SLC12A1: variants seen among roughly 807,000 people sequenced by gnomAD.
SLC12A1 encodes the protein Na-K-2Cl cotransporter.
In SLC12A1, 89 loss-of-function variants were observed where a neutral mutation model predicts 130.4. The ratio of observed to expected loss-of-function variants is 0.68; its 90% CI spans 0.58 to 0.81. The LOEUF (loss-of-function observed/expected upper bound fraction) is 0.81, where lower values mean the gene tolerates loss of function less well. Ranked by LOEUF, SLC12A1 falls within the 40% of genes least tolerant of loss-of-function variation. The pLI is 0.00. For synonymous variants in SLC12A1, 499 were observed against 460.0 expected, an observed-to-expected ratio of 1.08 and a Z score of -1.09; for missense variants, 1,310 against 1,336.4, an observed-to-expected ratio of 0.98 and a Z score of 0.31.
intron 10 of SLC12A1, among the ~76,000 whole-genome samples, chr15:48,244,444 AGTAT>A (rs1207099291): frequency 6.6e-6 from 1 of 152,176 alleles, no homozygotes; most frequent in Admixed American, 6.5e-5. Context: ...ATATATATTG[AGTAT>A]GTGTTATGTA....
At chr15:48,250,363 A>T (rs1372109504) in intron 14 of SLC12A1, among the ~76,000 whole-genome samples, 2 of 152,188 alleles carry the variant, frequency 1.3e-5, no homozygotes, top group African/African-American at 4.8e-5. Flanking sequence ...TGAGGGCCTG[A>T]CAAGATATTA....
At chr15:48,225,833 T>C in intron 4 of SLC12A1, 3 of 904,986 alleles carry the variant, frequency 3.3e-6, no homozygotes, top group Non-Finnish European at 4.0e-6. Flanking sequence ...ATACCTTTAT[T>C]TTTCCTCTTT....
At chr15:48,260,181 C>T (rs970571827) in intron 17 of SLC12A1, among the ~76,000 whole-genome samples, 3 of 152,000 alleles carry the variant, frequency 2.0e-5, no homozygotes, top group Middle Eastern at 3.4e-3. Flanking sequence ...AGGAGAATCG[C>T]TTGAACCTGG....
intron 23 of SLC12A1, among the ~76,000 whole-genome samples, chr15:48,289,011 AAC>A (rs2042089117): frequency 6.6e-6 from 1 of 152,124 alleles, no homozygotes. Context: ...AGGACTTTGC[AAC>A]AGTCTCCAAA....
rs1331617097 is a variant in SLC12A1 at position 48,229,274 on chromosome 15, G to C, written c.810G>C (p.Val270=). The C allele has an allele frequency of 1.9e-6, 3 of 1,604,906 alleles. No homozygotes were observed. Among genetic ancestry groups the C allele is most frequent in the South Asian group, 2.2e-5 (2 of 89,180 alleles). Residue 270 remains valine, a synonymous_variant, in exon 6 of 27, where the codon GTG becomes GTC. Coordinates refer to ENST00000380993, the MANE Select transcript of SLC12A1 (RefSeq NM_000338.3). ...TGATCTTTGCTTTTGCTAATGCAGT[G>C]GCTGTTGCTATGTATGTGGTGGGAT... ...IGLIFAFANA[V]AVAMYVVGFA...
intron 19 of SLC12A1, among the ~76,000 whole-genome samples, chr15:48,272,251 A>G (rs2041905951): frequency 6.6e-6 from 1 of 152,242 alleles, no homozygotes; most frequent in Non-Finnish European, 1.5e-5. Context: ...AATAATGACA[A>G]TCATGTATCC....
At chr15:48,252,495 G>T (rs1194102588) in intron 15 of SLC12A1, among the ~76,000 whole-genome samples, 1 of 152,132 alleles carries the variant, frequency 6.6e-6, no homozygotes, top group Non-Finnish European at 1.5e-5. Flanking sequence ...GGAGTTCACA[G>T]AGTCACACTT....
At chr15:48,257,685 T>C (rs1462259395) in intron 16 of SLC12A1, among the ~76,000 whole-genome samples, 1 of 152,054 alleles carries the variant, frequency 6.6e-6, no homozygotes, top group African/African-American at 2.4e-5. Flanking sequence ...GGGCACCAAG[T>C]CCCTAGGCTG....
At chr15:48,235,263 T>C in intron 9 of SLC12A1, 1 of 445,470 alleles carries the variant, frequency 2.2e-6, no homozygotes, top group Admixed American at 3.6e-5. Flanking sequence ...TTCCCCAAAA[T>C]AAATGTAGTT....
chr15:48,263,559 T>G (rs2041798668), intron 17 of SLC12A1, among the ~76,000 whole-genome samples: 1 of 152,188 alleles, frequency 6.6e-6, no homozygotes, highest in Non-Finnish European at 1.5e-5. Context: ...TAAAATTAAA[T>G]GAGACCTTTA....
At chr15:48,236,850 AT>A in intron 9 of SLC12A1, 1 of 480,916 alleles carries the variant, frequency 2.1e-6, no homozygotes, top group Non-Finnish European at 3.7e-6. Context: ...ACTGATTTAA[AT>A]TTCTGCAAAT....
At chr15:48,291,249 T>G (rs1375826133) in intron 23 of SLC12A1, among the ~76,000 whole-genome samples, 1 of 80,534 alleles carries the variant, frequency 1.2e-5, no homozygotes, top group Non-Finnish European at 2.3e-5. Flanking sequence ...GAAAAAACCA[T>G]ATATATATAT....
At chr15:48,242,368 TCCCAGTC>T (rs2041526644) in intron 10 of SLC12A1, among the ~76,000 whole-genome samples, 1 of 152,174 alleles carries the variant, frequency 6.6e-6, no homozygotes, top group South Asian at 2.1e-4. Flanking sequence ...AAAGGGTACA[TCCCAGTC>T]CTCTTCTGCT....
chr15:48,269,200 C>T (rs558804222), intron 18 of SLC12A1, among the ~76,000 whole-genome samples: 1 of 152,304 alleles, frequency 6.6e-6, no homozygotes, highest in South Asian at 2.1e-4. Context: ...AATTCAGTCA[C>T]TCTTCAATAA....
rs1488917389 is a variant in SLC12A1 at position 48,285,364 on chromosome 15, A to G, written c.2629+115A>G. The G allele has an allele frequency of 4.2e-6, 4 of 954,990 alleles. No homozygotes were observed. In the East Asian group the frequency reaches 7.4e-5, roughly 18 times the overall value. 59.2% of individuals were successfully genotyped at this position (954,990 alleles called of 1,614,324 possible). On this transcript the variant is annotated intron_variant, in intron 21 of 26. Transcript: ENST00000380993. ...TTGGGAGCATTGAGTGTGGGTAGGA[A>G]CTGAAAGGTTTCTCTCCAGAAGGTA...
At chr15:48,289,327 C>T (rs1186054304) in intron 23 of SLC12A1, among the ~76,000 whole-genome samples, 4 of 147,918 alleles carry the variant, frequency 2.7e-5, no homozygotes, top group African/African-American at 1.0e-4. Context: ...AAAATAATGA[C>T]AGGCTTTATT....
Position 48,300,067 on chromosome 15 carries a change from C to T in SLC12A1, c.3096+792C>T, listed in dbSNP as rs563851946. Among the ~76,000 whole-genome samples, 12 of 152,254 alleles carry T rather than the reference C, an allele frequency of 7.9e-5. No homozygotes were observed. The South Asian group carries it at 2.5e-3, about 32-fold the overall frequency. ...AATCTTAGGGCCGGGTGCACTGGCT[C>T]ACACCTGTAATCCCAGAACTTTGGG... On this transcript the variant is annotated intron_variant, in intron 25 of 26. Coordinates refer to ENST00000380993, the MANE Select transcript of SLC12A1 (RefSeq NM_000338.3).
chr15:48,275,335 T>C (rs2041940907), intron 20 of SLC12A1, among the ~76,000 whole-genome samples: 1 of 152,202 alleles, frequency 6.6e-6, no homozygotes, highest in Non-Finnish European at 1.5e-5. Flanking sequence ...AAAACAATGC[T>C]TTTCTGGTGC....
Position 48,302,971 on chromosome 15 carries a change from T to G in SLC12A1, c.*86T>G. ...AGTACTTTATGTTGTAAATCTGATCTATGGATATGCAAACCTCTGGAGAGG... is the reference window on the plus strand; with the variant it reads ...AGTACTTTATGTTGTAAATCTGATCGATGGATATGCAAACCTCTGGAGAGG... On this transcript the variant is annotated 3_prime_UTR_variant, in exon 27 of 27. Transcript: ENST00000380993. 9.5e-7 allele frequency: 1 copy of G among 1,049,484 alleles called. No individual in the cohort carries two copies. Among genetic ancestry groups the G allele is most frequent in the Non-Finnish European group, 1.4e-6 (1 of 719,926 alleles). 65.0% of individuals were successfully genotyped at this position (1,049,484 alleles called of 1,614,324 possible).
Sources: gnomAD v4.1 joint callset for allele counts (sites outside exome capture counted in the v4.1 genomes callset) on GRCh38, gnomAD v4.1.1 for gene constraint, MANE v1.5 for transcripts, NCBI Gene and HGNC (gene_info 2026-07-23, HGNC 2026-07-21) for gene names.